The following SETD1B variants were observed in gnomAD, a reference collection of about 807,000 sequenced individuals.
SETD1B encodes SET domain containing 1B, histone lysine methyltransferase.
In SETD1B, 7 loss-of-function variants were observed where a neutral mutation model predicts 148.0. That is an observed-to-expected ratio of 0.05 (90% confidence interval 0.03 to 0.09). The LOEUF (loss-of-function observed/expected upper bound fraction) is 0.09. Among genes scored for constraint, SETD1B ranks in the 10% least tolerant of loss-of-function variants. SETD1B has a pLI of 1.00. For missense variants in SETD1B, 2,155 were observed against 2,729.9 expected (o/e 0.79, Z 4.69); for synonymous variants, 1,361 against 1,186.5 (o/e 1.15, Z -3.02).
rs1876380337 is a variant in SETD1B, at chr12:121,817,949, T to C, written c.3418+45T>C. 2 of 1,484,192 alleles carry C rather than the reference T, an allele frequency of 1.3e-6. No individual in the cohort carries two copies. Among genetic ancestry groups the C allele is most frequent in the Non-Finnish European group, 1.8e-6 (2 of 1,111,496 alleles). The allele number at this position is 1,484,192 out of a possible 1,614,324, so 91.9% of individuals were successfully genotyped here. On this transcript the variant is annotated intron_variant, in intron 10 of 16. Transcript: ENST00000604567. This position sits in a 1 kb window ranked among gnomAD's most constrained non-coding sequence, Gnocchi z 8.1. Reference sequence around the variant, plus strand: ...CTGCCTGGCCCTCCCGGAGTCCCTCTTTCCCCGGGGCAGAGCCTGAGCAAT... The same window carrying C: ...CTGCCTGGCCCTCCCGGAGTCCCTCCTTCCCCGGGGCAGAGCCTGAGCAAT...
Position 121,823,425 on chromosome 12 carries a change from G to C in SETD1B, c.4846G>C (p.Glu1616Gln), listed in dbSNP as rs1430992129. 6.5e-7 allele frequency: 1 copy of C among 1,541,242 alleles called. No homozygotes were observed. The highest frequency in any genetic ancestry group is 1.2e-5 in the South Asian group (1 of 83,818). ...FKELDNQWPS[E>Q]AIPPGPRGRD... ...GGAGCTAGACAACCAGTGGCCCTCC[G>C]AGGCCATTCCTCCGGGCCCCCGTGG... The change falls in exon 12 of 17, where the codon GAG (glutamate) becomes CAG (glutamine). Residue 1616 changes from glutamate (E) to glutamine (Q), a missense_variant. This residue lies in a region of SETD1B where 862 missense variants were observed against 873.8 expected (regional missense o/e 0.99). Transcript: ENST00000604567.
the SETD1B span, chr12:121,793,658 G>A: frequency 6.6e-7 from 1 of 1,515,062 alleles, no homozygotes. Context: ...AGCACTGGCG[G>A]CGGCGCGCCG....
At chr12:121,827,401 G>A in intron 13 of SETD1B, 118 bp from the exon 14 acceptor site, 6 of 1,297,034 alleles carry the variant, frequency 4.6e-6, no homozygotes, top group South Asian at 1.6e-5. Flanking sequence ...ACCGACAGGT[G>A]TGGAGAAGCC....
At position 121,824,657 on chromosome 12, in the gene SETD1B, A is replaced by G. The variant is rs2596133; in HGVS notation, c.5171-543A>G. Among the ~76,000 whole-genome samples, 322 of 151,024 alleles carry G rather than the reference A, an allele frequency of 2.1e-3. 1 individual carries two copies. Among genetic ancestry groups the G allele is most frequent in the African/African-American group, 7.5e-3 (307 of 41,134 alleles). On this transcript the variant is annotated intron_variant, in intron 12 of 16. Coordinates refer to ENST00000604567, the MANE Select transcript of SETD1B (RefSeq NM_001353345.2). ...ACAAGACTCTGTCTCAAAAAAAAAA[A>G]AAAACTCTGCTAAGGACCATAAGCA...
Position 121,808,073 on chromosome 12 carries a change from A to T in SETD1B, c.545-135A>T. 1 of 632,190 alleles carries T rather than the reference A, an allele frequency of 1.6e-6. No homozygotes were observed. The highest frequency in any genetic ancestry group is 2.8e-6 in the Non-Finnish European group (1 of 357,578). 39.2% of individuals were successfully genotyped at this position (632,190 alleles called of 1,614,324 possible). ...GCGAGGTGCAGAGGGGTGGGAACTC[A>T]GGGCCACACAGCCTCCCTAGGACTG... On this transcript the variant is annotated intron_variant, in intron 4 of 16. Transcript: ENST00000604567. The surrounding 1 kb of genome is among the most constrained non-coding windows in gnomAD (Gnocchi z 5.3).
In SETD1B at chr12:121,831,859, T is replaced by G. The variant is rs1169882525; in HGVS notation, c.*1620T>G. 2.0e-5 allele frequency: 3 copies of G among 151,668 alleles called. No individual in the cohort carries two copies. The highest frequency in any genetic ancestry group is 2.4e-5 in the African/African-American group (1 of 41,386). The allele number at this position is 151,668 out of a possible 1,614,324, so 9.4% of individuals were successfully genotyped here. ...GTACAAAGAATTGTTATTTTTCTCTTTTTTGTTGTTGGTGGTTTTGTTGTG... is the reference window on the plus strand; with the variant it reads ...GTACAAAGAATTGTTATTTTTCTCTGTTTTGTTGTTGGTGGTTTTGTTGTG... On this transcript the variant is annotated 3_prime_UTR_variant, in exon 17 of 17. Transcript: ENST00000604567.
chr12:121,804,697 A>C lies in SETD1B; in HGVS notation c.-14-27A>C. On this transcript the variant is annotated intron_variant, in intron 1 of 16. Transcript: ENST00000604567. This position sits in a 1 kb window ranked among gnomAD's most constrained non-coding sequence, Gnocchi z 4.6. ...GCGGCCGCCGCCGCCGCCGCGGCGG[A>C]GACGACAACAACTTGCTGGTTTTCA... The C allele has an allele frequency of 6.5e-7, 1 of 1,536,808 alleles. No homozygotes were observed. Among genetic ancestry groups the C allele is most frequent in the Non-Finnish European group, 8.8e-7 (1 of 1,141,564 alleles).
At chr12:121,793,745 C>T in the SETD1B span, 1 of 990,802 alleles carries the variant, frequency 1.0e-6, no homozygotes, top group Non-Finnish European at 1.4e-6. Context: ...GCGCCGCCTC[C>T]GCCAGGCAGC....
At chr12:121,820,773 T>G (rs1188057093) in intron 11 of SETD1B, among the ~76,000 whole-genome samples, 1 of 152,208 alleles carries the variant, frequency 6.6e-6, no homozygotes, top group Non-Finnish European at 1.5e-5. Context: ...GACCTCATGA[T>G]CCACCCACCT....
At position 121,814,399 on chromosome 12, in the gene SETD1B, A is replaced by G; in HGVS notation, c.2184A>G (p.Pro728=). The change falls in exon 7 of 17, where the codon CCA becomes CCG. Residue 728 remains proline, a synonymous_variant. Coordinates refer to ENST00000604567, the MANE Select transcript of SETD1B (RefSeq NM_001353345.2). ...ACCCTGCTGTGACAGTGCCCCCACC[A>G]CCCTTGCCAGCGCCGCCTGGAGTCC... ...PAHPAVTVPP[P]PLPAPPGVPP... The G allele has an allele frequency of 1.7e-6, 2 of 1,187,378 alleles. No individual in the cohort carries two copies. The highest frequency in any genetic ancestry group is 2.2e-6 in the Non-Finnish European group (2 of 909,192). 73.6% of individuals were successfully genotyped at this position (1,187,378 alleles called of 1,614,324 possible).
chr12:121,817,955 CG>C lies in SETD1B; in HGVS notation c.3418+55del. ...GGCCCTCCCGGAGTCCCTCTTTCCCCGGGGCAGAGCCTGAGCAATTGTCAGA... is the reference window on the plus strand; with the variant it reads ...GGCCCTCCCGGAGTCCCTCTTTCCCCGGGCAGAGCCTGAGCAATTGTCAGA... On this transcript the variant is annotated intron_variant, in intron 10 of 16. Transcript: ENST00000604567. This position sits in a 1 kb window ranked among gnomAD's most constrained non-coding sequence, Gnocchi z 8.1. The C allele has an allele frequency of 6.8e-7, 1 of 1,469,588 alleles. No individual in the cohort carries two copies. The highest frequency in any genetic ancestry group is 9.1e-7 in the Non-Finnish European group (1 of 1,102,146). 91.0% of individuals were successfully genotyped at this position (1,469,588 alleles called of 1,614,324 possible).
chr12:121,799,047 C>T (rs1239568672), upstream of SETD1B: 1 of 152,264 alleles, frequency 6.6e-6, no homozygotes, highest in African/African-American at 2.4e-5. Context: ...TTAGAAATGC[C>T]AGTCCTAAGG....
At position 121,810,289 on chromosome 12, in the gene SETD1B, AGGCACGCCACCC is replaced by A; in HGVS notation, c.1348_1359del (p.Thr450_Gly453del). Reference sequence around the variant, plus strand: ...CTGAGCCTCTGGCCAAGGAGAAGCCAGGCACGCCACCCGGCCCGCCGCCCCCCGACACCAACA... The same window carrying A: ...CTGAGCCTCTGGCCAAGGAGAAGCCAGGCCCGCCGCCCCCCGACACCAACA... On this transcript the variant is annotated inframe_deletion, in exon 6 of 17. Transcript: ENST00000604567. This position sits in a 1 kb window ranked among gnomAD's most constrained non-coding sequence, Gnocchi z 7.6. 6.5e-7 allele frequency: 1 copy of A among 1,543,542 alleles called. No homozygotes were observed. Among genetic ancestry groups the A allele is most frequent in the Non-Finnish European group, 8.7e-7 (1 of 1,146,568 alleles).
At position 121,810,221 on chromosome 12, in the gene SETD1B, G is replaced by A; in HGVS notation, c.1276G>A (p.Gly426Arg). 1 of 1,548,968 alleles carries A rather than the reference G, an allele frequency of 6.5e-7. No individual in the cohort carries two copies. The highest frequency in any genetic ancestry group is 8.7e-7 in the Non-Finnish European group (1 of 1,146,826). Residue 426 changes from glycine to arginine, a missense_variant, in exon 6 of 17, where the codon GGG (glycine) becomes AGG (arginine). By Grantham distance (125) the Gly-to-Arg change is moderately radical. Around this residue, in one of 11 missense-constraint regions of SETD1B, gnomAD observed 376 missense variants for 385.0 expected, o/e 0.98. Coordinates refer to ENST00000604567, the MANE Select transcript of SETD1B (RefSeq NM_001353345.2). The surrounding 1 kb of genome is among the most constrained non-coding windows in gnomAD (Gnocchi z 7.6). ...ATAAFGARDS[G>R]EFRRAPAPPP... ...AGCCGCTTTTGGGGCCCGCGACAGTGGGGAGTTCCGGAGGGCACCGGCGCC... is the reference window on the plus strand; with the variant it reads ...AGCCGCTTTTGGGGCCCGCGACAGTAGGGAGTTCCGGAGGGCACCGGCGCC...
the SETD1B span, chr12:121,797,530 G>A: frequency 2.2e-6 from 1 of 456,592 alleles, no homozygotes; most frequent in Non-Finnish European, 4.4e-6. Flanking sequence ...GTCCAGCCAG[G>A]TGGGTCCCGA....
At position 121,823,573 on chromosome 12, in the gene SETD1B, C is replaced by A; in HGVS notation, c.4994C>A (p.Pro1665His). The change falls in exon 12 of 17, where the codon CCC becomes CAC. Residue 1665 changes from proline (P) to histidine (H), a missense_variant. Transcript: ENST00000604567. ...GCGGGCTCGCCCGAACTCTCGCCACCCCAGCCCCTCTTCCGGCCCCGCTCG... is the reference window on the plus strand; with the variant it reads ...GCGGGCTCGCCCGAACTCTCGCCACACCAGCCCCTCTTCCGGCCCCGCTCG... The part of the protein sequence containing the change: ...PPAGSPELSP[P>H]QPLFRPRSEF... 1 of 1,551,430 alleles carries A rather than the reference C, an allele frequency of 6.4e-7. No individual in the cohort carries two copies. The highest frequency in any genetic ancestry group is 8.7e-7 in the Non-Finnish European group (1 of 1,146,964).
At chr12:121,796,710 G>A in the SETD1B span, among the ~76,000 whole-genome samples, 1 of 152,220 alleles carries the variant, frequency 6.6e-6, no homozygotes, top group Non-Finnish European at 1.5e-5. Context: ...AGTGCTAAAA[G>A]TTCCCGTCAC....
chr12:121,823,937 C>A (rs1215954419), intron 12 of SETD1B, among the ~76,000 whole-genome samples, 188 bp downstream of exon 12: 1 of 152,192 alleles, frequency 6.6e-6, no homozygotes, highest in Non-Finnish European at 1.5e-5. Context: ...GAATCATTGG[C>A]ACGTTTTAAG....
intron 12 of SETD1B, among the ~76,000 whole-genome samples, chr12:121,824,243 C>T (rs915877847): frequency 6.6e-6 from 1 of 152,206 alleles, no homozygotes; most frequent in Admixed American, 6.5e-5. Context: ...CCAGGCTCTT[C>T]ACCACCAGGC....
Sources: gnomAD v4.1 joint callset for allele counts (sites outside exome capture counted in the v4.1 genomes callset) on GRCh38, gnomAD v4.1.1 for gene constraint, gnomAD v4.1.1 regional missense constraint, Gnocchi (gnomAD v3.1) non-coding constraint, MANE v1.5 for transcripts, NCBI Gene and HGNC (gene_info 2026-07-23, HGNC 2026-07-21) for gene names.